The following SLC24A3 variants were observed in gnomAD, a reference collection of about 807,000 sequenced individuals.
SLC24A3 encodes sodium/potassium/calcium exchanger 3.
A neutral mutation model predicts 75.8 loss-of-function variants in SLC24A3; 28 were observed. The observed-to-expected ratio is 0.37, with a 90% CI of 0.27 to 0.51. SLC24A3 has a LOEUF of 0.51. Among genes scored for constraint, SLC24A3 ranks in the 20% least tolerant of loss-of-function variants. The pLI, the probability that SLC24A3 is intolerant of heterozygous loss-of-function variation, is 0.94. For missense variants in SLC24A3, 663 were observed against 847.8 expected (o/e 0.78, Z 2.71); for synonymous variants, 372 against 334.1 (o/e 1.11, Z -1.24).
intron 2 of SLC24A3, among the ~76,000 whole-genome samples, chr20:19,508,432 C>T (rs1568638157): frequency 1.3e-5 from 2 of 152,102 alleles, no homozygotes; most frequent in Non-Finnish European, 2.9e-5. Context: ...TGTTGATCTT[C>T]ATTTTGGCCT....
chr20:19,677,328 C>T (rs1317841490), intron 9 of SLC24A3, among the ~76,000 whole-genome samples: 2 of 151,488 alleles, frequency 1.3e-5, no homozygotes, highest in Non-Finnish European at 1.5e-5. Context: ...TTATGCAAGT[C>T]AGTATTTCTT....
chr20:19,403,264 A>T (rs767077365), intron 2 of SLC24A3, among the ~76,000 whole-genome samples: 7 of 152,252 alleles, frequency 4.6e-5, no homozygotes, highest in Non-Finnish European at 1.0e-4. Flanking sequence ...ATGAACTGTT[A>T]TGCATCATCT....
intron 6 of SLC24A3, among the ~76,000 whole-genome samples, chr20:19,590,727 A>G (rs1019932112): frequency 2.6e-5 from 4 of 152,212 alleles, no homozygotes; most frequent in African/African-American, 9.6e-5. Context: ...CACACCCAGT[A>G]AAACTGGGTT....
At chr20:19,685,474 C>T (rs2032665717) in intron 12 of SLC24A3, 113 bp downstream of exon 12, 3 of 1,494,410 alleles carry the variant, frequency 2.0e-6, no homozygotes, top group Non-Finnish European at 9.0e-7. Flanking sequence ...TCTGTATGAA[C>T]ATGAGACTAT....
intron 2 of SLC24A3, among the ~76,000 whole-genome samples, chr20:19,448,082 G>A (rs1193381816): frequency 6.6e-6 from 1 of 152,164 alleles, no homozygotes; most frequent in African/African-American, 2.4e-5. Flanking sequence ...TCTAGGTTCT[G>A]GGGGAACCCC....
chr20:19,379,173 A>G (rs996506339), intron 2 of SLC24A3, among the ~76,000 whole-genome samples: 1 of 152,178 alleles, frequency 6.6e-6, no homozygotes, highest in Non-Finnish European at 1.5e-5. Flanking sequence ...ATTTCATCAT[A>G]TGTCCTGGGC....
chr20:19,715,013 G>A (rs183688740), intron 15 of SLC24A3, among the ~76,000 whole-genome samples: 1 of 152,314 alleles, frequency 6.6e-6, no homozygotes. Context: ...GAAGATATCT[G>A]TATGCGCAGT....
Position 19,609,327 on chromosome 20 carries a change from A to T in SLC24A3, c.612+23783A>T, listed in dbSNP as rs1274984806. 6.6e-5 allele frequency among the ~76,000 whole-genome samples: 10 copies of T among 151,958 alleles called. No individual in the cohort carries two copies. In the East Asian group the frequency reaches 1.9e-3, roughly 29 times the overall value. Reference sequence around the variant, plus strand: ...ATAACCTGATTTTTTTTTTTCAGTTATAAAGACTTTTATTTCTGTCCTACC... The same window carrying T: ...ATAACCTGATTTTTTTTTTTCAGTTTTAAAGACTTTTATTTCTGTCCTACC... On this transcript the variant is annotated intron_variant, in intron 6 of 16. Coordinates refer to ENST00000328041, the MANE Select transcript of SLC24A3 (RefSeq NM_020689.4).
chr20:19,322,596 C>T (rs1457693940), intron 2 of SLC24A3, among the ~76,000 whole-genome samples: 4 of 152,112 alleles, frequency 2.6e-5, no homozygotes, highest in Admixed American at 6.5e-5. Flanking sequence ...TGGGATTTCC[C>T]TCTAGCCTGC....
At chr20:19,255,640 A>T (rs961734303) in intron 1 of SLC24A3, among the ~76,000 whole-genome samples, 1 of 152,170 alleles carries the variant, frequency 6.6e-6, no homozygotes, top group Non-Finnish European at 1.5e-5. Flanking sequence ...TAGTTTCTTA[A>T]AAAGAGGTGG....
chr20:19,370,731 G>A (rs1985978159), intron 2 of SLC24A3, among the ~76,000 whole-genome samples: 1 of 152,206 alleles, frequency 6.6e-6, no homozygotes, highest in Admixed American at 6.5e-5. Flanking sequence ...AGAAATAGGA[G>A]GTTTGAGCAC....
chr20:19,394,248 A>C (rs1174659813), intron 2 of SLC24A3, among the ~76,000 whole-genome samples: 1 of 152,206 alleles, frequency 6.6e-6, no homozygotes, highest in Non-Finnish European at 1.5e-5. Flanking sequence ...TAAAAATATA[A>C]AATTCTTAGA....
At chr20:19,242,904 GAAT>G (rs1982371857) in intron 1 of SLC24A3, among the ~76,000 whole-genome samples, 1 of 152,174 alleles carries the variant, frequency 6.6e-6, no homozygotes, top group Non-Finnish European at 1.5e-5. Context: ...TGAAAAGTAA[GAAT>G]AATCTGGAAA....
intron 2 of SLC24A3, among the ~76,000 whole-genome samples, chr20:19,446,637 C>T (rs1350434545): frequency 1.3e-5 from 2 of 152,138 alleles, no homozygotes; most frequent in Admixed American, 6.5e-5. Flanking sequence ...CTCATTCTTC[C>T]AGAATGTCTG....
chr20:19,257,819 GCTT>G (rs1339650957), intron 1 of SLC24A3: 3 of 152,140 alleles, frequency 2.0e-5, no homozygotes, highest in Non-Finnish European at 4.4e-5. Context: ...TCCTTCTACT[GCTT>G]CTTTTGATTT....
chr20:19,503,884 A>G (rs555114786), intron 2 of SLC24A3, among the ~76,000 whole-genome samples: 1 of 152,326 alleles, frequency 6.6e-6, no homozygotes, highest in Non-Finnish European at 1.5e-5. Context: ...TTTTAAATGG[A>G]TTATATTCTA....
At chr20:19,538,880 A>T (rs565993539) in intron 3 of SLC24A3, among the ~76,000 whole-genome samples, 1 of 152,390 alleles carries the variant, frequency 6.6e-6, no homozygotes, top group Admixed American at 6.5e-5. Context: ...AACAGAAAGG[A>T]TAAACTGTGC....
At chr20:19,436,268 A>C (rs1987200715) in intron 2 of SLC24A3, among the ~76,000 whole-genome samples, 1 of 152,004 alleles carries the variant, frequency 6.6e-6, no homozygotes, top group South Asian at 2.1e-4. Context: ...GGTTGGGAAT[A>C]CTCTCCTCTG....
chr20:19,584,495 T>C lies in SLC24A3; in HGVS notation c.424-476T>C, dbSNP rs142586145. Among the ~76,000 whole-genome samples, 35 of 152,260 alleles carry C rather than the reference T, an allele frequency of 2.3e-4. No homozygotes were observed. In the East Asian group the frequency reaches 4.1e-3, roughly 18 times the overall value. ...TGCATAAAAGGTTGGATTATTGGCATCTCTTAAAAATCAGAATATCTGGCC... is the reference window on the plus strand; with the variant it reads ...TGCATAAAAGGTTGGATTATTGGCACCTCTTAAAAATCAGAATATCTGGCC... On this transcript the variant is annotated intron_variant, in intron 4 of 16. Transcript: ENST00000328041.
Sources: allele counts gnomAD v4.1 joint callset (sites outside exome capture counted in the v4.1 genomes callset), GRCh38; gene constraint gnomAD v4.1.1; transcripts MANE v1.5; gene names NCBI Gene and HGNC (gene_info 2026-07-23, HGNC 2026-07-21).